The following SLC15A1 variants were observed in gnomAD, a reference collection of about 807,000 sequenced individuals.
SLC15A1 encodes Caco-2 oligopeptide transporter.
In SLC15A1, 83 loss-of-function variants were observed where a neutral mutation model predicts 92.9. That is an observed-to-expected ratio of 0.89 (90% CI 0.75 to 1.07). The LOEUF (loss-of-function observed/expected upper bound fraction) is 1.07. Ranked by LOEUF, SLC15A1 falls within the 50% of genes least tolerant of loss-of-function variation. The pLI, the probability that SLC15A1 is intolerant of heterozygous loss-of-function variation, is 0.00. For synonymous variants in SLC15A1, 322 were observed against 318.2 expected, an observed-to-expected ratio of 1.01 and a Z score of -0.13; for missense variants, 857 against 880.1, an observed-to-expected ratio of 0.97 and a Z score of 0.33.
At chr13:98,699,583 G>C (rs1267117629) in intron 18 of SLC15A1, among the ~76,000 whole-genome samples, 1 of 152,202 alleles carries the variant, frequency 6.6e-6, no homozygotes, top group East Asian at 1.9e-4. Flanking sequence ...AAACATTCAT[G>C]TGTGGGCTTT....
rs532286337 is a variant in SLC15A1 at position 98,718,300 on chromosome 13, CTTTTTTTTTTTTTTTTTT to C, written c.640+919_640+936del. ...ATCCAGCAGATTCTATCACCTTCAT[CTTTTTTTTTTTTTTTTTT>C]TTTTTTTTTTTTTTTTTTTGAGACA... On this transcript the variant is annotated intron_variant, in intron 8 of 22. Coordinates refer to ENST00000376503, the MANE Select transcript of SLC15A1 (RefSeq NM_005073.4). Among the ~76,000 whole-genome samples, 121 of 84,132 alleles carry C rather than the reference CTTTTTTTTTTTTTTTTTT, an allele frequency of 1.4e-3. 2 individuals carry two copies. The highest frequency in any genetic ancestry group is 2.5e-3 in the South Asian group (5 of 2,028). 55.2% of individuals were successfully genotyped at this position (84,132 alleles called of 152,430 possible).
intron 1 of SLC15A1, among the ~76,000 whole-genome samples, chr13:98,728,977 T>TAAAAAAAAAAAAAAAAAAAAAAA (rs71218592): frequency 5.0e-4 from 7 of 13,898 alleles, no homozygotes; most frequent in Non-Finnish European, 5.9e-4. Context: ...TAAGGCTCTG[T>TAAAAAAAAAAAAAAAAAAAAAAA]AAAAAAAAAA....
chr13:98,728,760 C>T (rs574987059), intron 1 of SLC15A1, among the ~76,000 whole-genome samples: 27 of 151,794 alleles, frequency 1.8e-4, no homozygotes, highest in African/African-American at 5.6e-4. Flanking sequence ...GTAGGCGGAT[C>T]GCTTCAGGTC....
chr13:98,734,792 C>A (rs1036714201), intron 1 of SLC15A1, among the ~76,000 whole-genome samples: 6 of 152,098 alleles, frequency 3.9e-5, no homozygotes, highest in Admixed American at 2.6e-4. Context: ...ACCAGGAAGA[C>A]ATTGAATCCC....
At chr13:98,740,248 G>T (rs77279311) in intron 1 of SLC15A1, among the ~76,000 whole-genome samples, 1 of 152,192 alleles carries the variant, frequency 6.6e-6, no homozygotes, top group Non-Finnish European at 1.5e-5. Flanking sequence ...AACATGCCTG[G>T]GGCAGGGAGG....
chr13:98,707,590 C>T (rs1353952393), intron 15 of SLC15A1, among the ~76,000 whole-genome samples: 3 of 152,050 alleles, frequency 2.0e-5, no homozygotes, highest in Admixed American at 1.3e-4. Context: ...AGGTACTTAA[C>T]GCTACTGAAC....
chr13:98,749,778 G>A (rs550944783), intron 1 of SLC15A1, among the ~76,000 whole-genome samples: 2 of 152,320 alleles, frequency 1.3e-5, no homozygotes, highest in South Asian at 4.1e-4. Flanking sequence ...TGGCTCACAA[G>A]CTAAGAAGAA....
intron 2 of SLC15A1, 29 bp from the exon 3 acceptor site, chr13:98,726,478 G>A (rs1328556548): frequency 6.3e-7 from 1 of 1,596,006 alleles, no homozygotes; most frequent in African/African-American, 1.3e-5. Context: ...GCACAGGATT[G>A]AAATACACCC....
At chr13:98,739,363 G>A (rs534210175) in intron 1 of SLC15A1, among the ~76,000 whole-genome samples, 2 of 152,278 alleles carry the variant, frequency 1.3e-5, no homozygotes, top group Admixed American at 1.3e-4. Context: ...AGGCCAGGGG[G>A]AATGATACAG....
Position 98,726,262 on chromosome 13 carries a change from T to C in SLC15A1, c.106A>G (p.Ile36Val). Reference sequence around the variant, plus strand: ...AAATTTGTGAAGTACAGAATCAGGATTGCTTTTGCAGAGGGCAGGTGGAAG... The same window carrying C: ...AAATTTGTGAAGTACAGAATCAGGACTGCTTTTGCAGAGGGCAGGTGGAAG... ...ERFSYYGMRA[I>V]LILYFTNFIS... The change falls in exon 4 of 23, where the codon ATC becomes GTC. Residue 36 changes from isoleucine (I) to valine (V), a missense_variant and splice_region_variant. Transcript: ENST00000376503. The C allele has an allele frequency of 1.9e-6, 3 of 1,614,036 alleles. No homozygotes were observed. The highest frequency in any genetic ancestry group is 1.6e-4 in the Middle Eastern group (1 of 6,062).
chr13:98,719,309 C>T lies in SLC15A1; in HGVS notation c.568G>A (p.Gly190Arg). The stretch of plus-strand genomic sequence containing the variant: ...TAACAAGCTTGTTTACTGTGAATTC[C>T]ACATTGTTGAACTGGGGAGAAATGA... ...ITPMLRVQQC[G>R]IHSKQACYPL... Residue 190 changes from glycine (G) to arginine (R), a missense_variant, in exon 8 of 23, where the codon GGA (glycine) becomes AGA (arginine). Gly to Arg is a moderately radical substitution (Grantham distance 125, BLOSUM62 -2). Transcript: ENST00000376503. 6.2e-7 allele frequency: 1 copy of T among 1,613,150 alleles called. No individual in the cohort carries two copies. Among genetic ancestry groups the T allele is most frequent in the Non-Finnish European group, 8.5e-7 (1 of 1,179,230 alleles).
chr13:98,713,392 G>C (rs112172721), intron 9 of SLC15A1, among the ~76,000 whole-genome samples: 18 of 152,200 alleles, frequency 1.2e-4, no homozygotes, highest in African/African-American at 4.1e-4. Flanking sequence ...ATTTTTATTA[G>C]AAATACTTGA....
chr13:98,748,514 C>G (rs1339324299), intron 1 of SLC15A1, among the ~76,000 whole-genome samples: 1 of 152,098 alleles, frequency 6.6e-6, no homozygotes, highest in Non-Finnish European at 1.5e-5. Flanking sequence ...AGACTGATTT[C>G]AAACTCCTGA....
chr13:98,724,610 T>C (rs1473143685), intron 4 of SLC15A1, among the ~76,000 whole-genome samples: 4 of 152,174 alleles, frequency 2.6e-5, no homozygotes, highest in Non-Finnish European at 5.9e-5. Context: ...TAGCTAGGAC[T>C]ACAGGGGCCC....
rs1029624113 is a variant in SLC15A1, at chr13:98,704,220, C to T, written c.1416+69G>A. On this transcript the variant is annotated intron_variant, in intron 17 of 22. Coordinates refer to ENST00000376503, the MANE Select transcript of SLC15A1 (RefSeq NM_005073.4). ...ACTATATGGGAGTAAAACAAAGTCA[C>T]ACCATAAAAATTTTGGCCTCCAGTA... The T allele has an allele frequency of 5.5e-6, 8 of 1,461,544 alleles. No individual in the cohort carries two copies. The African/African-American group carries it at 1.2e-4, about 21-fold the overall frequency. 90.5% of individuals were successfully genotyped at this position (1,461,544 alleles called of 1,614,324 possible).
intron 8 of SLC15A1, among the ~76,000 whole-genome samples, chr13:98,717,108 C>T (rs1342934010): frequency 6.6e-6 from 1 of 152,128 alleles, no homozygotes; most frequent in African/African-American, 2.4e-5. Context: ...TTCTGATTAT[C>T]CAATACCACA....
chr13:98,749,855 T>C (rs2088527836), intron 1 of SLC15A1, among the ~76,000 whole-genome samples: 1 of 152,234 alleles, frequency 6.6e-6, no homozygotes, highest in Admixed American at 6.5e-5. Context: ...GAAAATTACA[T>C]AAAATTCAAA....
chr13:98,716,428 C>G (rs193200493), intron 8 of SLC15A1, among the ~76,000 whole-genome samples: 14 of 152,238 alleles, frequency 9.2e-5, no homozygotes, highest in African/African-American at 3.4e-4. Context: ...TTGAGACCAG[C>G]CTGACCAACA....
At chr13:98,710,609 A>G (rs1263211567) in intron 11 of SLC15A1, among the ~76,000 whole-genome samples, 3 of 151,950 alleles carry the variant, frequency 2.0e-5, no homozygotes, top group Non-Finnish European at 4.4e-5. Flanking sequence ...TGAGGTTAGG[A>G]GTTGGAGACC....
Sources: gnomAD v4.1 joint callset for allele counts (sites outside exome capture counted in the v4.1 genomes callset) on GRCh38, gnomAD v4.1.1 for gene constraint, MANE v1.5 for transcripts, NCBI Gene and HGNC (gene_info 2026-07-23, HGNC 2026-07-21) for gene names.